The following ADAR variants were observed in gnomAD, a reference collection of about 807,000 sequenced individuals.
ADAR encodes double-stranded RNA-specific adenosine deaminase.
ADAR carries 41 observed loss-of-function variants against 113.2 expected under a neutral mutation model. That is an observed-to-expected ratio of 0.36 (90% confidence interval 0.28 to 0.47). The LOEUF is 0.47. Ranked by LOEUF, ADAR falls within the 20% of genes least tolerant of loss-of-function variation. The probability of loss-of-function intolerance (pLI) is 1.00; values close to 1 mark genes in which losing one functional copy is unlikely to be tolerated. For missense variants in ADAR, 1,242 were observed against 1,540.9 expected, an observed-to-expected ratio of 0.81 and a Z score of 3.25; for synonymous variants, 605 against 572.6, an observed-to-expected ratio of 1.06 and a Z score of -0.81.
In ADAR at chr1:154,601,023, T is replaced by TC. The variant is rs1380359166; in HGVS notation, c.1601+17dup. On this transcript the variant is annotated intron_variant, in intron 2 of 14. Coordinates refer to ENST00000368474, the MANE Select transcript of ADAR (RefSeq NM_001111.5). This position sits in a 1 kb window ranked among gnomAD's most constrained non-coding sequence, Gnocchi z 4.7. ...ACCTGACCCCAACCCTAGGTACAGTTCCTGGGTGGTCTCTTACCGAGGTTC... is the reference window on the plus strand; with the variant it reads ...ACCTGACCCCAACCCTAGGTACAGTTCCCTGGGTGGTCTCTTACCGAGGTTC... 33 of 1,613,728 alleles carry TC rather than the reference T, an allele frequency of 2.0e-5. No individual in the cohort carries two copies. Among genetic ancestry groups the TC allele is most frequent in the African/African-American group, 4.0e-5 (3 of 74,916 alleles).
At chr1:154,596,376 G>A (rs1214708619) in intron 6 of ADAR, among the ~76,000 whole-genome samples, 1 of 152,076 alleles carries the variant, frequency 6.6e-6, no homozygotes, top group African/African-American at 2.4e-5. Context: ...GAGTAGCTGG[G>A]ATTACAGGCA....
At chr1:154,596,743 C>G (rs1400306463) in intron 6 of ADAR, 62 bp downstream of exon 6, 1 of 1,593,140 alleles carries the variant, frequency 6.3e-7, no homozygotes, top group Non-Finnish European at 8.6e-7. Context: ...CCCTTGTTTT[C>G]CCTGGGTTAC....
chr1:154,607,248 T>A (rs1334051516), intron 1 of ADAR, among the ~76,000 whole-genome samples: 1 of 152,176 alleles, frequency 6.6e-6, no homozygotes, highest in African/African-American at 2.4e-5. Context: ...GTGCTTAGCA[T>A]AACGCACTTG....
chr1:154,584,997 G>A lies in ADAR; in HGVS notation c.3490C>T (p.Leu1164=). The A allele has an allele frequency of 2.5e-6, 4 of 1,614,120 alleles. No individual in the cohort carries two copies. Among genetic ancestry groups the A allele is most frequent in the Non-Finnish European group, 3.4e-6 (4 of 1,180,028 alleles). ...CGGAAGGAGCAGAGCTTCTTAAATAGAAGAAAAATGTTCTTTTTGGAGACC... is the reference window on the plus strand; with the variant it reads ...CGGAAGGAGCAGAGCTTCTTAAATAAAAGAAAAATGTTCTTTTTGGAGACC... The part of the protein sequence containing the change: ...SRVSKKNIFL[L]FKKLCSFRYR... The change falls in exon 15 of 15, where the codon CTA becomes TTA. Residue 1164 remains leucine, a synonymous_variant. Coordinates refer to ENST00000368474, the MANE Select transcript of ADAR (RefSeq NM_001111.5).
At chr1:154,596,669 G>A (rs1472278404) in intron 6 of ADAR, 136 bp downstream of exon 6, 7 of 922,900 alleles carry the variant, frequency 7.6e-6, no homozygotes, top group East Asian at 2.6e-5. Flanking sequence ...CTAAGAGGCC[G>A]TGGAGACAGG....
rs543673001 is a variant in ADAR, at chr1:154,586,164, C to T, written c.3202+17G>A. The T allele has an allele frequency of 1.2e-6, 2 of 1,613,866 alleles. No individual in the cohort carries two copies. Among genetic ancestry groups the T allele is most frequent in the East Asian group, 2.2e-5 (1 of 44,884 alleles). On this transcript the variant is annotated intron_variant, in intron 12 of 14. Transcript: ENST00000368474. The stretch of plus-strand genomic sequence containing the variant: ...AGAAGGACAGACCAGTTCCAGATCC[C>T]AAGGCAGGCCCCTTACCCAATGTGA...
chr1:154,585,116 G>C (rs1696662116), intron 14 of ADAR, 73 bp from the exon 15 acceptor site: 1 of 1,612,022 alleles, frequency 6.2e-7, no homozygotes, highest in Non-Finnish European at 8.5e-7. Flanking sequence ...GACACCGTGG[G>C]AGGGGAGGCG....
In ADAR at chr1:154,588,662, C is replaced by G; in HGVS notation, c.2774G>C (p.Ser925Thr). Residue 925 changes from serine to threonine, a missense_variant, in exon 10 of 15, where the codon AGT becomes ACT. Physicochemically the swap from Ser to Thr is moderately conservative, Grantham distance 58 (BLOSUM62 1). Transcript: ENST00000368474. The part of the protein sequence containing the change: ...SRRGFIRFLY[S>T]ELMKYNSQTA... The stretch of plus-strand genomic sequence containing the variant: ...CTGGGAGTTGTATTTCATTAACTCA[C>G]TGTAGAGAAACCTACAAAAAGAAAG... The G allele has an allele frequency of 6.2e-7, 1 of 1,614,182 alleles. No individual in the cohort carries two copies. The highest frequency in any genetic ancestry group is 1.6e-4 in the Middle Eastern group (1 of 6,062).
At chr1:154,610,841 A>AAAAAAAAAAAAAAAATT (rs1698465694), upstream of ADAR, among the ~76,000 whole-genome samples, 1 of 145,878 alleles carries the variant, frequency 6.9e-6, no homozygotes, top group Non-Finnish European at 1.5e-5. Context: ...AAAAAAAAAA[A>AAAAAAAAAAAAAAAATT]GACAAAATTG....
At chr1:154,594,005 C>T (rs1697334459) in intron 6 of ADAR, among the ~76,000 whole-genome samples, 1 of 152,032 alleles carries the variant, frequency 6.6e-6, no homozygotes, top group South Asian at 2.1e-4. Flanking sequence ...TGCTCAGCCT[C>T]CGGAGTAGCT....
chr1:154,627,914 A>AGCCCCCCCCCCCCCCCCCCC, exon 1 of ADAR: 2 of 463,314 alleles, frequency 4.3e-6, no homozygotes, highest in Admixed American at 2.1e-5. Flanking sequence ...TGCGGCCGCG[A>AGCCCCCCCCCCCCCCCCCCC]CCCTCCCCCC....
chr1:154,608,210 A>G, upstream of ADAR: 1 of 600,174 alleles, frequency 1.7e-6, no homozygotes, highest in Non-Finnish European at 2.7e-6. Context: ...TTTCCTCGGA[A>G]AGCCTTCCCC....
At position 154,608,043 on chromosome 1, in the gene ADAR, C is replaced by A; in HGVS notation, c.-37G>T. On this transcript the variant is annotated 5_prime_UTR_variant, in exon 1 of 15. Coordinates refer to ENST00000368474, the MANE Select transcript of ADAR (RefSeq NM_001111.5). ...GGCATTGCCCGGCCCGACCCGCCGG[C>A]GGCACGACCCTGGCCCGACCGCTGG... 1.3e-6 allele frequency: 2 copies of A among 1,564,526 alleles called. No homozygotes were observed. Among genetic ancestry groups the A allele is most frequent in the South Asian group, 2.3e-5 (2 of 85,632 alleles).
Position 154,583,486 on chromosome 1 carries a change from G to C in ADAR, c.*1320C>G, listed in dbSNP as rs1696543552. Reference sequence around the variant, plus strand: ...ACGAGTCAATGTTCATGGAGGTATAGACAAAGGATTCTACCTCACAGAGTT... The same window carrying C: ...ACGAGTCAATGTTCATGGAGGTATACACAAAGGATTCTACCTCACAGAGTT... On this transcript the variant is annotated 3_prime_UTR_variant, in exon 15 of 15. Transcript: ENST00000368474. 1 of 152,310 alleles carries C rather than the reference G, an allele frequency of 6.6e-6. No homozygotes were observed. Among genetic ancestry groups the C allele is most frequent in the East Asian group, 1.9e-4 (1 of 5,192 alleles). The allele number at this position is 152,310 out of a possible 1,614,324, so 9.4% of individuals were successfully genotyped here.
chr1:154,610,189 C>T (rs1355009238), upstream of ADAR, among the ~76,000 whole-genome samples: 1 of 152,160 alleles, frequency 6.6e-6, no homozygotes, highest in African/African-American at 2.4e-5. Context: ...GGATGCAGAG[C>T]AGCTCTTAGT....
chr1:154,615,048 C>A (rs1698595529), intron 1 of ADAR, among the ~76,000 whole-genome samples: 3 of 152,358 alleles, frequency 2.0e-5, no homozygotes, highest in Admixed American at 1.3e-4. Context: ...GCAACACAAG[C>A]GATGCCAGCA....
intron 1 of ADAR, among the ~76,000 whole-genome samples, chr1:154,625,724 G>T (rs979941656): frequency 2.6e-5 from 4 of 151,922 alleles, no homozygotes; most frequent in Non-Finnish European, 5.9e-5. Context: ...CCGGGCATAG[G>T]CCAGGCACGG....
In ADAR at chr1:154,607,999, G is replaced by A. The variant is rs1436545093; in HGVS notation, c.8C>T (p.Pro3Leu). 1.2e-6 allele frequency: 2 copies of A among 1,606,946 alleles called. No individual in the cohort carries two copies. Among genetic ancestry groups the A allele is most frequent in the South Asian group, 1.1e-5 (1 of 90,050 alleles). The change falls in exon 1 of 15, where the codon CCG becomes CTG. Residue 3 changes from proline (P) to leucine (L), a missense_variant. Pro to Leu is a moderately conservative substitution (Grantham distance 98). Coordinates refer to ENST00000368474, the MANE Select transcript of ADAR (RefSeq NM_001111.5). Reference protein sequence around the residue: MNPRQGYSLSGYY... With the variant: MNLRQGYSLSGYY... ...AAGGCCGGCCCGGCTTACCTGCCGC[G>A]GATTCATTGCGCCCGCGAGGCATTG... is the stretch of plus-strand genomic sequence containing the variant.
chr1:154,592,015 G>A (rs1237336476), intron 6 of ADAR, among the ~76,000 whole-genome samples: 4 of 152,150 alleles, frequency 2.6e-5, no homozygotes, highest in Non-Finnish European at 4.4e-5. Flanking sequence ...GAACTCTTAC[G>A]TGCAAAGTTT....
Sources: allele counts gnomAD v4.1 joint callset (sites outside exome capture counted in the v4.1 genomes callset), GRCh38; gene constraint gnomAD v4.1.1; non-coding constraint Gnocchi (gnomAD v3.1); transcripts MANE v1.5; gene names NCBI Gene and HGNC (gene_info 2026-07-23, HGNC 2026-07-21).